The following PNPLA5 variants were observed in gnomAD, a reference collection of about 807,000 sequenced individuals.
PNPLA5 encodes the protein patatin like domain 5, triacylglycerol lipase.
PNPLA5 carries 44 observed loss-of-function variants against 49.1 expected under a neutral mutation model. That is an observed-to-expected ratio of 0.90 (90% CI 0.70 to 1.15). The LOEUF (loss-of-function observed/expected upper bound fraction) is 1.15, where lower values mean the gene tolerates loss of function less well. Ranked by LOEUF, PNPLA5 falls within the 50% of genes most tolerant of loss-of-function variation. The pLI is 0.00. For missense variants in PNPLA5, 603 were observed against 564.0 expected (o/e 1.07, Z -0.70); for synonymous variants, 243 against 244.4 (o/e 0.99, Z 0.06).
chr22:43,880,391 A>T lies in PNPLA5; in HGVS notation c.*404T>A. The T allele has an allele frequency of 2.5e-6, 1 of 398,672 alleles. No individual in the cohort carries two copies. The highest frequency in any genetic ancestry group is 4.4e-6 in the Non-Finnish European group (1 of 226,146). 24.7% of individuals were successfully genotyped at this position (398,672 alleles called of 1,614,324 possible). The stretch of plus-strand genomic sequence containing the variant: ...CTGGGGGGAGCACCCCCACCCCATC[A>T]TCTCAGTTGGCTCCTCTGGTCTCTG... On this transcript the variant is annotated 3_prime_UTR_variant, in exon 9 of 9. Transcript: ENST00000216177.
At chr22:43,882,741 G>A (rs576681330) in intron 7 of PNPLA5, among the ~76,000 whole-genome samples, 5 of 152,118 alleles carry the variant, frequency 3.3e-5, no homozygotes, top group Admixed American at 2.0e-4. Flanking sequence ...AGAATCTGTC[G>A]GTAGAAAGCT....
chr22:43,884,566 G>T, intron 6 of PNPLA5: 1 of 249,354 alleles, frequency 4.0e-6, no homozygotes, highest in Non-Finnish European at 6.4e-6. Context: ...GGAGACTGAG[G>T]TTCAGAGTGG....
At position 43,880,368 on chromosome 22, in the gene PNPLA5, G is replaced by A. The variant is rs571414354; in HGVS notation, c.*427C>T. The A allele has an allele frequency of 2.5e-6, 1 of 398,454 alleles. No individual in the cohort carries two copies. The highest frequency in any genetic ancestry group is 4.4e-5 in the Admixed American group (1 of 22,722). The allele number at this position is 398,454 out of a possible 1,614,324, so 24.7% of individuals were successfully genotyped here. On this transcript the variant is annotated 3_prime_UTR_variant, in exon 9 of 9. Transcript: ENST00000216177. Reference sequence around the variant, plus strand: ...GGCCGCTGCAGGACTGAGAAAGTCTGGGGGGAGCACCCCCACCCCATCATC... The same window carrying A: ...GGCCGCTGCAGGACTGAGAAAGTCTAGGGGGAGCACCCCCACCCCATCATC...
chr22:43,883,057 C>T (rs962247985), intron 7 of PNPLA5, among the ~76,000 whole-genome samples: 4 of 152,082 alleles, frequency 2.6e-5, no homozygotes, highest in Non-Finnish European at 2.9e-5. Context: ...TCCTGCTCCT[C>T]GAATGGGCCT....
intron 7 of PNPLA5, among the ~76,000 whole-genome samples, chr22:43,882,821 A>G (rs1372388593): frequency 6.6e-6 from 1 of 152,242 alleles, no homozygotes; most frequent in Non-Finnish European, 1.5e-5. Flanking sequence ...AACATTGAGC[A>G]GGACAGAGAC....
rs1315652588 is a variant in PNPLA5 at position 43,880,285 on chromosome 22, T to C, written c.*510A>G. On this transcript the variant is annotated 3_prime_UTR_variant, in exon 9 of 9. Transcript: ENST00000216177. ...AGGGCCTTCCACCCTCTGGACCTGA[T>C]AGGAATTCAGAAGTCAAGGTTTCCT... 7.5e-6 allele frequency: 3 copies of C among 397,628 alleles called. No homozygotes were observed. Among genetic ancestry groups the C allele is most frequent in the African/African-American group, 6.2e-5 (3 of 48,614 alleles). 24.6% of individuals were successfully genotyped at this position (397,628 alleles called of 1,614,324 possible). A position where few individuals can be genotyped will look rare whatever the true frequency, so the allele number is the denominator to read the frequency against.
chr22:43,891,108 C>A lies in PNPLA5; in HGVS notation c.380G>T (p.Arg127Leu), dbSNP rs1171172817. 4.7e-5 allele frequency: 75 copies of A among 1,610,176 alleles called. No homozygotes were observed. The highest frequency in any genetic ancestry group is 6.0e-5 in the Non-Finnish European group (71 of 1,178,344). Residue 127 changes from arginine to leucine, a missense_variant, in exon 2 of 9, where the codon CGC (arginine) becomes CTC (leucine). Arg to Leu is a moderately radical substitution (Grantham distance 102). Transcript: ENST00000216177. The stretch of plus-strand genomic sequence containing the variant: ...GGCGAAGTCAGTGACCAAGAAGTTG[C>A]GTCCGTCAGGCCAGCGGGTCAGCGA... ...GISLTRWPDG[R>L]NFLVTDFATC... is the part of the protein sequence containing the mutation.
chr22:43,889,697 G>A (rs2049702920), intron 3 of PNPLA5, 102 bp downstream of exon 3: 8 of 1,521,996 alleles, frequency 5.3e-6, no homozygotes, highest in African/African-American at 1.4e-5. Flanking sequence ...CTGGCACACA[G>A]TAGGTGCTCA....
intron 4 of PNPLA5, 144 bp from the exon 5 acceptor site, chr22:43,887,795 G>A: frequency 2.1e-6 from 3 of 1,461,662 alleles, no homozygotes; most frequent in Non-Finnish European, 2.7e-6. Context: ...CAGGGCTCAG[G>A]GCAGGAGCCT....
intron 5 of PNPLA5, 92 bp downstream of exon 5, chr22:43,887,499 C>T (rs1276804549): frequency 1.3e-5 from 19 of 1,443,526 alleles, no homozygotes; most frequent in South Asian, 3.7e-5. Context: ...CTGAGTTAGC[C>T]CATGTCCCTA....
chr22:43,888,310 A>G (rs1205364449), intron 4 of PNPLA5, among the ~76,000 whole-genome samples: 1 of 149,716 alleles, frequency 6.7e-6, no homozygotes, highest in South Asian at 2.1e-4. Flanking sequence ...CTTAGAAAGC[A>G]CTACACAAAC....
At chr22:43,883,477 A>T (rs2049630718) in intron 7 of PNPLA5, among the ~76,000 whole-genome samples, 1 of 152,214 alleles carries the variant, frequency 6.6e-6, no homozygotes, top group South Asian at 2.1e-4. Flanking sequence ...TGTTACTGAG[A>T]GCCTAACCAC....
At chr22:43,883,805 T>C (rs923182944) in intron 7 of PNPLA5, among the ~76,000 whole-genome samples, 4 of 141,858 alleles carry the variant, frequency 2.8e-5, no homozygotes, top group African/African-American at 1.1e-4. Flanking sequence ...AGTGAGACTC[T>C]GTCAGAAAAA....
chr22:43,885,137 C>G (rs781314986), intron 6 of PNPLA5, among the ~76,000 whole-genome samples: 3 of 152,354 alleles, frequency 2.0e-5, no homozygotes, highest in Non-Finnish European at 2.9e-5. Flanking sequence ...GGCGCAGCGC[C>G]CAGGAGTTGG....
intron 8 of PNPLA5, 44 bp downstream of exon 8, chr22:43,881,514 A>G: frequency 6.5e-7 from 1 of 1,530,080 alleles, no homozygotes; most frequent in Non-Finnish European, 8.8e-7. Flanking sequence ...CGTTCCCCCC[A>G]GCACAGCCAC....
At chr22:43,886,616 C>T in intron 5 of PNPLA5, 128 bp from the exon 6 acceptor site, 1 of 1,443,152 alleles carries the variant, frequency 6.9e-7, no homozygotes, top group Non-Finnish European at 9.0e-7. Flanking sequence ...GGACCCACAG[C>T]TTATTCCGGA....
chr22:43,887,962 T>G (rs537527270), intron 4 of PNPLA5, among the ~76,000 whole-genome samples: 1 of 152,174 alleles, frequency 6.6e-6, no homozygotes, highest in Admixed American at 6.5e-5. Context: ...TCAGTTTCTG[T>G]CTCTGGAAAA....
rs141154678 is a variant in PNPLA5, at chr22:43,880,195, A to G, written c.*600T>C. 1,079 of 386,520 alleles carry G rather than the reference A, an allele frequency of 2.8e-3. 13 individuals carry two copies. Among genetic ancestry groups the G allele is most frequent in the African/African-American group, 0.021 (1,008 of 48,482 alleles). 23.9% of individuals were successfully genotyped at this position (386,520 alleles called of 1,614,324 possible). ...AGCAGGGGCCACTGGGCCCAACAGA[A>G]GCACCCACAGCTGGGATCCTGAAAA... On this transcript the variant is annotated 3_prime_UTR_variant, in exon 9 of 9. Transcript: ENST00000216177.
chr22:43,889,800 T>TC lies in PNPLA5; in HGVS notation c.490dup (p.Glu164GlyfsTer43). On this transcript the variant is annotated frameshift_variant and splice_region_variant, in exon 3 of 9. Coordinates refer to ENST00000216177, the MANE Select transcript of PNPLA5 (RefSeq NM_138814.4). LOFTEE classifies it high-confidence loss of function. ...AACGGGGTTCCAGAGTGCACTCACCTCCCCTCTGAACTCGGGGGGGATCAG... is the reference window on the plus strand; with the variant it reads ...AACGGGGTTCCAGAGTGCACTCACCTCCCCCTCTGAACTCGGGGGGGATCAG... The TC allele has an allele frequency of 6.2e-7, 1 of 1,612,148 alleles. No individual in the cohort carries two copies. The highest frequency in any genetic ancestry group is 8.5e-7 in the Non-Finnish European group (1 of 1,179,448).
Sources: allele counts gnomAD v4.1 joint callset (sites outside exome capture counted in the v4.1 genomes callset), GRCh38; gene constraint gnomAD v4.1.1; transcripts MANE v1.5; gene names NCBI Gene and HGNC (gene_info 2026-07-23, HGNC 2026-07-21).